The following TMEM132C variants were observed in gnomAD, a reference collection of about 807,000 sequenced individuals.
TMEM132C encodes protein phosphatase 1, regulatory subunit 152.
Under a neutral mutation model 61.4 loss-of-function variants are expected in TMEM132C, and 29 were observed. That is an observed-to-expected ratio of 0.47 (90% CI 0.35 to 0.64). TMEM132C has a LOEUF of 0.64. TMEM132C is among the 30% of genes least tolerant of loss of function. The pLI, the probability that TMEM132C is intolerant of heterozygous loss-of-function variation, is 0.00. For synonymous variants in TMEM132C, 656 were observed against 633.1 expected, an observed-to-expected ratio of 1.04 and a Z score of -0.54; for missense variants, 1,408 against 1,476.9, an observed-to-expected ratio of 0.95 and a Z score of 0.76.
At chr12:128,397,132 G>A (rs562016205) in intron 1 of TMEM132C, among the ~76,000 whole-genome samples, 7 of 152,250 alleles carry the variant, frequency 4.6e-5, no homozygotes, top group South Asian at 4.1e-4. Context: ...GCCCCAGGGT[G>A]GGGGAGCCTT....
chr12:128,269,711 AAGC>A (rs1399655151), intron 1 of TMEM132C, among the ~76,000 whole-genome samples: 1 of 152,118 alleles, frequency 6.6e-6, no homozygotes, highest in African/African-American at 2.4e-5. Flanking sequence ...TCATGATCAA[AAGC>A]AGCAGTTCAT....
chr12:128,423,809 G>A (rs572613417), intron 2 of TMEM132C, among the ~76,000 whole-genome samples: 3 of 151,776 alleles, frequency 2.0e-5, no homozygotes, highest in East Asian at 1.9e-4. Flanking sequence ...TGAGGCGGGC[G>A]GATCATGAGG....
chr12:128,573,324 C>T (rs1315334445), intron 3 of TMEM132C, among the ~76,000 whole-genome samples: 3 of 152,032 alleles, frequency 2.0e-5, no homozygotes, highest in African/African-American at 7.2e-5. Flanking sequence ...AAGCTGGAAA[C>T]CATCATTCTG....
chr12:128,500,042 C>G (rs1328739218), intron 2 of TMEM132C, among the ~76,000 whole-genome samples: 2 of 152,156 alleles, frequency 1.3e-5, no homozygotes, highest in Admixed American at 6.5e-5. Context: ...TGCTCACTAG[C>G]ATTCATATTG....
chr12:128,551,898 G>A (rs543350305), intron 3 of TMEM132C, among the ~76,000 whole-genome samples: 2 of 152,166 alleles, frequency 1.3e-5, no homozygotes, highest in Non-Finnish European at 2.9e-5. Flanking sequence ...TGATTCGAAC[G>A]TTGCACCTTG....
chr12:128,578,322 C>T (rs1283430020), intron 3 of TMEM132C, among the ~76,000 whole-genome samples: 4 of 152,204 alleles, frequency 2.6e-5, no homozygotes, highest in African/African-American at 7.2e-5. Flanking sequence ...CCACACTGGT[C>T]GCAGCCTGTA....
At chr12:128,340,930 CTCTCTCTCTCTCTCTT>C (rs1157492583) in intron 1 of TMEM132C, among the ~76,000 whole-genome samples, 31 of 145,698 alleles carry the variant, frequency 2.1e-4, no homozygotes, top group African/African-American at 7.2e-4. Context: ...CTCTCTCTCT[CTCTCTCTCTCTCTCTT>C]TCTTTCTTTC....
chr12:128,647,027 GT>G (rs1387778640), intron 4 of TMEM132C, among the ~76,000 whole-genome samples: 1 of 151,256 alleles, frequency 6.6e-6, no homozygotes, highest in African/African-American at 2.4e-5. Context: ...GTCCATCAGC[GT>G]TGGATGTGAG....
rs1872534151 is a variant in TMEM132C at position 128,326,785 on chromosome 12, G to A, written c.85+59298G>A. Among the ~76,000 whole-genome samples the A allele has an allele frequency of 7.2e-6, 1 of 138,928 alleles. No individual in the cohort carries two copies. The highest frequency in any genetic ancestry group is 1.5e-5 in the Non-Finnish European group (1 of 67,928). 91.1% of individuals were successfully genotyped at this position (138,928 alleles called of 152,430 possible). On this transcript the variant is annotated intron_variant, in intron 1 of 8. Transcript: ENST00000435159. The surrounding 1 kb of genome is among the most constrained non-coding windows in gnomAD (Gnocchi z 5.6). ...TTTATGGCTCCCACATCTCGTTACC[G>A]ACTTCACAATATTTTTTTTTTCTTT...
intron 4 of TMEM132C, among the ~76,000 whole-genome samples, chr12:128,653,231 G>T (rs1392243187): frequency 3.3e-5 from 5 of 151,954 alleles, no homozygotes; most frequent in African/African-American, 1.2e-4. Flanking sequence ...AGTCCATAGA[G>T]GCAGAAAGCC....
chr12:128,405,554 A>G lies in TMEM132C; in HGVS notation c.86-9178A>G, dbSNP rs116359512. Among the ~76,000 whole-genome samples, 1,281 of 152,274 alleles carry G rather than the reference A, an allele frequency of 8.4e-3. 15 individuals are homozygous for G. The highest frequency in any genetic ancestry group is 0.027 in the South Asian group (130 of 4,818). Reference sequence around the variant, plus strand: ...TTTTGCAGCCGCTGTATCTTCAGCAACCAACACTTGATAATCTCCCTGCTT... The same window carrying G: ...TTTTGCAGCCGCTGTATCTTCAGCAGCCAACACTTGATAATCTCCCTGCTT... On this transcript the variant is annotated intron_variant, in intron 1 of 8. Coordinates refer to ENST00000435159, the MANE Select transcript of TMEM132C (RefSeq NM_001136103.3).
intron 4 of TMEM132C, among the ~76,000 whole-genome samples, chr12:128,633,560 C>T (rs148477147): frequency 2.4e-3 from 360 of 152,206 alleles, no homozygotes; most frequent in African/African-American, 6.3e-3. Flanking sequence ...ATGCAACCTA[C>T]GCCAGTAAAA....
At chr12:128,497,722 C>T (rs112952054) in intron 2 of TMEM132C, among the ~76,000 whole-genome samples, 2,204 of 152,206 alleles carry the variant, frequency 0.014, 56 homozygotes, top group African/African-American at 0.05. Flanking sequence ...TTCCAGGTGC[C>T]GTCTGTCACC....
chr12:128,704,585 A>G (rs994983057), intron 8 of TMEM132C, among the ~76,000 whole-genome samples: 1 of 152,192 alleles, frequency 6.6e-6, no homozygotes, highest in African/African-American at 2.4e-5. Flanking sequence ...CAGGGAGAAG[A>G]GGGGAGGTTC....
intron 2 of TMEM132C, among the ~76,000 whole-genome samples, chr12:128,444,703 A>G (rs1869913989): frequency 6.6e-6 from 1 of 152,148 alleles, no homozygotes; most frequent in Non-Finnish European, 1.5e-5. Flanking sequence ...AGTGGCAATA[A>G]ATATCTTCCC....
intron 1 of TMEM132C, among the ~76,000 whole-genome samples, chr12:128,338,873 C>T (rs1016330959): frequency 3.3e-5 from 5 of 151,476 alleles, no homozygotes; most frequent in African/African-American, 1.2e-4. Context: ...CAAGCCCAGG[C>T]TCCCCTTAGA....
chr12:128,393,884 C>G (rs1401422809), intron 1 of TMEM132C, among the ~76,000 whole-genome samples: 1 of 152,264 alleles, frequency 6.6e-6, no homozygotes, highest in African/African-American at 2.4e-5. Context: ...CTCCACCCAA[C>G]AACTCCCTTT....
intron 3 of TMEM132C, among the ~76,000 whole-genome samples, chr12:128,546,753 G>A (rs1226051079): frequency 6.6e-6 from 1 of 152,196 alleles, no homozygotes; most frequent in Non-Finnish European, 1.5e-5. Flanking sequence ...TCACTTATAA[G>A]GGCCATTGTG....
intron 4 of TMEM132C, among the ~76,000 whole-genome samples, chr12:128,640,933 C>T (rs1954153192): frequency 6.6e-6 from 1 of 152,096 alleles, no homozygotes; most frequent in Non-Finnish European, 1.5e-5. Context: ...ATAGTATGTG[C>T]GTTGTATCTC....
Sources: allele counts gnomAD v4.1 joint callset (sites outside exome capture counted in the v4.1 genomes callset), GRCh38; gene constraint gnomAD v4.1.1; non-coding constraint Gnocchi (gnomAD v3.1); transcripts MANE v1.5; gene names NCBI Gene and HGNC (gene_info 2026-07-23, HGNC 2026-07-21).